The following VPS13B variants were observed in gnomAD, a reference collection of about 807,000 sequenced individuals.
The protein encoded by VPS13B is vacuolar protein sorting 13 homolog B, also known as intermembrane lipid transfer protein VPS13B.
Under a neutral mutation model 426.4 loss-of-function variants are expected in VPS13B, and 285 were observed. The observed-to-expected ratio is 0.67, with a 90% CI of 0.61 to 0.74. VPS13B has a LOEUF of 0.74. Among genes scored for constraint, VPS13B ranks in the 30% least tolerant of loss-of-function variants. The probability of loss-of-function intolerance (pLI) is 0.00; values close to 1 mark genes in which losing one functional copy is unlikely to be tolerated. For synonymous variants in VPS13B, 1,676 were observed against 1,676.4 expected, an observed-to-expected ratio of 1.00 and a Z score of 0.01; for missense variants, 4,537 against 4,782.6, an observed-to-expected ratio of 0.95 and a Z score of 1.51.
At chr8:99,697,492 G>A in intron 35 of VPS13B, 2 of 739,830 alleles carry the variant, frequency 2.7e-6, no homozygotes, top group Non-Finnish European at 5.0e-6. Flanking sequence ...AGCTGAAGGA[G>A]CAGAAGTCGC....
chr8:99,452,529 A>G (rs146334126), intron 23 of VPS13B, among the ~76,000 whole-genome samples: 16 of 152,284 alleles, frequency 1.1e-4, no homozygotes, highest in African/African-American at 3.9e-4. Flanking sequence ...GAAATTTTCA[A>G]GTTATTCATG....
At chr8:99,597,507 T>G (rs1050688794) in intron 33 of VPS13B, among the ~76,000 whole-genome samples, 1 of 152,022 alleles carries the variant, frequency 6.6e-6, no homozygotes, top group Admixed American at 6.6e-5. Context: ...TCTGATTCCC[T>G]TGACACAGTT....
intron 39 of VPS13B, among the ~76,000 whole-genome samples, chr8:99,745,027 T>C (rs1810008203): frequency 1.3e-5 from 2 of 152,180 alleles, no homozygotes; most frequent in Admixed American, 1.3e-4. Context: ...CATTAAAATA[T>C]ATCATTTGAT....
intron 17 of VPS13B, among the ~76,000 whole-genome samples, chr8:99,248,675 G>A (rs1391644230): frequency 1.3e-5 from 2 of 152,162 alleles, no homozygotes; most frequent in African/African-American, 4.8e-5. Flanking sequence ...ATTCTCTTAT[G>A]AGTGAATTTT....
intron 47 of VPS13B, 33 bp from the exon 48 acceptor site, chr8:99,819,379 T>A: frequency 6.2e-7 from 1 of 1,609,038 alleles, no homozygotes. Flanking sequence ...AGAAATCTGA[T>A]AATTATTCTT....
At chr8:99,539,090 T>C (rs1356220446) in intron 30 of VPS13B, among the ~76,000 whole-genome samples, 1 of 152,186 alleles carries the variant, frequency 6.6e-6, no homozygotes, top group Admixed American at 6.5e-5. Flanking sequence ...TACTCACTTT[T>C]CAAGTCATGG....
chr8:99,561,269 T>C (rs138237124), intron 31 of VPS13B, among the ~76,000 whole-genome samples: 13 of 152,326 alleles, frequency 8.5e-5, no homozygotes, highest in East Asian at 3.9e-4. Context: ...CTGTATGAAT[T>C]TATGTATTCT....
At chr8:99,369,476 A>G (rs564598330) in intron 19 of VPS13B, among the ~76,000 whole-genome samples, 1 of 152,312 alleles carries the variant, frequency 6.6e-6, no homozygotes, top group African/African-American at 2.4e-5. Context: ...GGCAGTGGGC[A>G]CGAGTCTGGG....
chr8:99,839,034 G>C (rs1293457158), intron 54 of VPS13B, among the ~76,000 whole-genome samples: 1 of 152,222 alleles, frequency 6.6e-6, no homozygotes, highest in African/African-American at 2.4e-5. Flanking sequence ...CAAGGATTTT[G>C]GTTTTGATCT....
chr8:99,304,400 T>A (rs193072828), intron 19 of VPS13B, among the ~76,000 whole-genome samples: 2 of 151,694 alleles, frequency 1.3e-5, no homozygotes, highest in African/African-American at 4.9e-5. Context: ...TAAAAGAAAA[T>A]CATGTTTTGT....
chr8:99,699,980 T>C (rs755246384), intron 36 of VPS13B, 48 bp downstream of exon 36: 1 of 1,592,250 alleles, frequency 6.3e-7, no homozygotes, highest in Admixed American at 1.8e-5. Context: ...GTAAGATGAT[T>C]TGTTAACATC....
rs530077631 is a variant in VPS13B at position 99,716,485 on chromosome 8, G to C, written c.6455-686G>C. 6.3e-5 allele frequency among the ~76,000 whole-genome samples: 7 copies of C among 111,634 alleles called. No homozygotes were observed. The South Asian group carries it at 1.9e-3, about 31-fold the overall frequency. The allele number at this position is 111,634 out of a possible 152,430, so 73.2% of individuals were successfully genotyped here. Reference sequence around the variant, plus strand: ...TCTAAATATCCTAAAATGTGCCATTGGTTTTATGAAAAGGTTTTGATCTAC... The same window carrying C: ...TCTAAATATCCTAAAATGTGCCATTCGTTTTATGAAAAGGTTTTGATCTAC... On this transcript the variant is annotated intron_variant, in intron 36 of 61. Transcript: ENST00000357162.
intron 3 of VPS13B, among the ~76,000 whole-genome samples, chr8:99,077,697 T>A (rs1243413134): frequency 6.6e-6 from 1 of 152,184 alleles, no homozygotes; most frequent in African/African-American, 2.4e-5. Context: ...TTGAGTATAA[T>A]GTACCTTGGA....
chr8:99,366,980 G>T (rs1812926014), intron 19 of VPS13B, among the ~76,000 whole-genome samples: 1 of 152,072 alleles, frequency 6.6e-6, no homozygotes, highest in African/African-American at 2.4e-5. Flanking sequence ...AGTTATTGTA[G>T]TTATTGTCCT....
chr8:99,117,779 T>TG (rs2132504724), intron 7 of VPS13B, among the ~76,000 whole-genome samples: 1 of 152,248 alleles, frequency 6.6e-6, no homozygotes, highest in South Asian at 2.1e-4. Context: ...AACCAGGAGT[T>TG]GCGGGGAGGA....
intron 19 of VPS13B, among the ~76,000 whole-genome samples, chr8:99,369,248 A>G (rs949909668): frequency 1.3e-5 from 2 of 152,228 alleles, no homozygotes; most frequent in Non-Finnish European, 2.9e-5. Flanking sequence ...TAATTTGAAC[A>G]TAAATGTTAG....
intron 23 of VPS13B, among the ~76,000 whole-genome samples, chr8:99,464,727 C>T (rs942490440): frequency 1.3e-5 from 2 of 152,068 alleles, no homozygotes; most frequent in Non-Finnish European, 2.9e-5. Context: ...CACCCCTTGG[C>T]GTTGACACAT....
intron 16 of VPS13B, among the ~76,000 whole-genome samples, chr8:99,180,861 G>T (rs60042922): frequency 6.6e-6 from 1 of 151,934 alleles, no homozygotes; most frequent in East Asian, 1.9e-4. Context: ...TAGTAGAGAA[G>T]TAAAGATTTA....
chr8:99,436,892 C>T (rs1817408586), intron 22 of VPS13B, among the ~76,000 whole-genome samples: 1 of 152,082 alleles, frequency 6.6e-6, no homozygotes, highest in South Asian at 2.1e-4. Context: ...GTGCCCGCCA[C>T]CATGCCCAGC....
Sources: allele counts gnomAD v4.1 joint callset (sites outside exome capture counted in the v4.1 genomes callset), GRCh38; gene constraint gnomAD v4.1.1; transcripts MANE v1.5; gene names NCBI Gene and HGNC (gene_info 2026-07-23, HGNC 2026-07-21).